PRKCH: variants seen among roughly 807,000 people sequenced by gnomAD.
The protein encoded by PRKCH is protein kinase C eta type.
In PRKCH, 28 loss-of-function variants were observed where a neutral mutation model predicts 82.5. The ratio of observed to expected loss-of-function variants is 0.34; its 90% CI spans 0.25 to 0.47. PRKCH has a LOEUF of 0.47. PRKCH is among the 20% of genes least tolerant of loss of function. The pLI is 1.00. For synonymous variants in PRKCH, 322 were observed against 327.4 expected (o/e 0.98, Z 0.18); for missense variants, 705 against 881.8 (o/e 0.80, Z 2.54).
At chr14:61,502,350 C>T (rs1886955986) in intron 10 of PRKCH, among the ~76,000 whole-genome samples, 1 of 152,078 alleles carries the variant, frequency 6.6e-6, no homozygotes, top group African/African-American at 2.4e-5. Flanking sequence ...CATGAGCCAC[C>T]ATGCCCATTC....
intron 1 of PRKCH, among the ~76,000 whole-genome samples, chr14:61,264,613 A>C (rs1425616466): frequency 1.3e-5 from 2 of 152,138 alleles, no homozygotes; most frequent in African/African-American, 4.8e-5. Flanking sequence ...AATATTAGCC[A>C]AATTTTATAA....
At chr14:61,441,937 A>G (rs1883996586) in intron 2 of PRKCH, among the ~76,000 whole-genome samples, 2 of 152,120 alleles carry the variant, frequency 1.3e-5, no homozygotes, top group South Asian at 2.1e-4. Context: ...GACATGAGCT[A>G]CTGTACCCGG....
At chr14:61,519,630 A>G (rs977679317) in intron 10 of PRKCH, among the ~76,000 whole-genome samples, 2 of 151,694 alleles carry the variant, frequency 1.3e-5, no homozygotes, top group African/African-American at 4.8e-5. Context: ...CACATCTTGT[A>G]TACGTGGTCT....
At chr14:61,492,090 C>T (rs1306374972) in intron 10 of PRKCH, 1 of 152,240 alleles carries the variant, frequency 6.6e-6, no homozygotes, top group Non-Finnish European at 1.5e-5. Flanking sequence ...GATAGATGCC[C>T]AGTAACAGGA....
intron 1 of PRKCH, among the ~76,000 whole-genome samples, chr14:61,314,426 T>C (rs1389770490): frequency 6.6e-6 from 1 of 152,198 alleles, no homozygotes; most frequent in Non-Finnish European, 1.5e-5. Flanking sequence ...TGTATTTGTT[T>C]TGTTTACATA....
chr14:61,403,444 A>G (rs919975378), intron 2 of PRKCH, among the ~76,000 whole-genome samples: 1 of 152,116 alleles, frequency 6.6e-6, no homozygotes, highest in African/African-American at 2.4e-5. Flanking sequence ...TTTTTTTGAA[A>G]CTTTCTTTTT....
chr14:61,521,879 A>C (rs2042912076), intron 10 of PRKCH, among the ~76,000 whole-genome samples: 1 of 152,162 alleles, frequency 6.6e-6, no homozygotes, highest in Non-Finnish European at 1.5e-5. Context: ...AAAAGAGCAG[A>C]GATCTTGGCC....
At chr14:61,441,636 T>G (rs1309775101) in intron 2 of PRKCH, among the ~76,000 whole-genome samples, 1 of 152,170 alleles carries the variant, frequency 6.6e-6, no homozygotes. Context: ...CTTTTAAAAA[T>G]TGATTTCTGT....
Position 61,429,528 on chromosome 14 carries a change from A to G in PRKCH, c.428-13583A>G, listed in dbSNP as rs916185692. On this transcript the variant is annotated intron_variant, in intron 2 of 13. Coordinates refer to ENST00000332981, the MANE Select transcript of PRKCH (RefSeq NM_006255.5). The stretch of plus-strand genomic sequence containing the variant: ...ACATTACTTTCAGATAATGGAGAAT[A>G]GTCACACCCATTGTTTTCAGGGCCT... Among the ~76,000 whole-genome samples the G allele has an allele frequency of 3.3e-5, 5 of 152,338 alleles. No homozygotes were observed. In the South Asian group the frequency reaches 6.2e-4, roughly 19 times the overall value.
In PRKCH at chr14:61,204,113, C is replaced by G. The variant is rs58208206; in HGVS notation, c.-19+16445C>G. On this transcript the variant is annotated intron_variant, in intron 1 of 3. Transcript: ENST00000555185. Reference sequence around the variant, plus strand: ...GTTAATCTCACTCCTTAAGTTTCCTCCCTTGGCAACCAGAGCCCTTTATAA... The same window carrying G: ...GTTAATCTCACTCCTTAAGTTTCCTGCCTTGGCAACCAGAGCCCTTTATAA... Among the ~76,000 whole-genome samples, 709 of 152,102 alleles carry G rather than the reference C, an allele frequency of 4.7e-3. 15 individuals are homozygous for G. The East Asian group carries it at 0.06, about 13-fold the overall frequency.
chr14:61,483,342 C>G (rs1304586920), intron 9 of PRKCH, among the ~76,000 whole-genome samples: 3 of 152,228 alleles, frequency 2.0e-5, no homozygotes, highest in Admixed American at 2.0e-4. Flanking sequence ...CTGCCTCTCC[C>G]CTTGTCAGTC....
intron 1 of PRKCH, among the ~76,000 whole-genome samples, chr14:61,296,698 A>G (rs2045408930): frequency 6.6e-6 from 1 of 152,116 alleles, no homozygotes. Context: ...TATCCCCCTA[A>G]TCTTACCCTC....
intron 10 of PRKCH, among the ~76,000 whole-genome samples, chr14:61,490,056 C>T (rs1402051561): frequency 6.6e-6 from 1 of 152,216 alleles, no homozygotes; most frequent in Admixed American, 6.5e-5. Context: ...CAGCACTTTC[C>T]AACACATGCT....
chr14:61,210,084 AC>A (rs1436882521), intron 1 of PRKCH, among the ~76,000 whole-genome samples: 2 of 141,892 alleles, frequency 1.4e-5, no homozygotes, highest in African/African-American at 2.6e-5. Flanking sequence ...TAAAACAAAA[AC>A]AAAAAACAAA....
intron 10 of PRKCH, among the ~76,000 whole-genome samples, chr14:61,506,041 G>A (rs1019184510): frequency 2.0e-5 from 3 of 152,040 alleles, no homozygotes; most frequent in African/African-American, 7.3e-5. Flanking sequence ...AGTCCCCAAG[G>A]TATACTTTAG....
chr14:61,490,343 T>C (rs1039984821), intron 10 of PRKCH, among the ~76,000 whole-genome samples: 5 of 152,204 alleles, frequency 3.3e-5, no homozygotes, highest in Non-Finnish European at 5.9e-5. Flanking sequence ...TCTACTTAAT[T>C]TGACTCTTTT....
intron 1 of PRKCH, among the ~76,000 whole-genome samples, chr14:61,327,441 ATATATTT>A (rs2045713165): frequency 6.6e-6 from 1 of 152,220 alleles, no homozygotes; most frequent in African/African-American, 2.4e-5. Flanking sequence ...AAGAGGAAAA[ATATATTT>A]TAGAATCTTG....
chr14:61,228,795 C>T (rs2044717457), intron 1 of PRKCH, among the ~76,000 whole-genome samples: 1 of 151,998 alleles, frequency 6.6e-6, no homozygotes. Context: ...AATCCTAGCA[C>T]TTTGGGAGGC....
At chr14:61,393,376 T>C (rs1049405016) in intron 2 of PRKCH, among the ~76,000 whole-genome samples, 5 of 152,238 alleles carry the variant, frequency 3.3e-5, no homozygotes, top group Non-Finnish European at 7.3e-5. Context: ...ATCTTAACAA[T>C]CTTGAGTATC....
Sources: allele counts gnomAD v4.1 joint callset (sites outside exome capture counted in the v4.1 genomes callset), GRCh38; gene constraint gnomAD v4.1.1; transcripts MANE v1.5; gene names NCBI Gene and HGNC (gene_info 2026-07-23, HGNC 2026-07-21).